Variants in WDPCP observed in about 807,000 individuals in gnomAD.
WDPCP encodes the protein WD repeat-containing and planar cell polarity effector protein fritz homolog.
A neutral mutation model predicts 93.1 loss-of-function variants in WDPCP; 71 were observed. The observed-to-expected ratio is 0.76, with a 90% CI of 0.63 to 0.93. WDPCP has a LOEUF of 0.93. Ranked by LOEUF, WDPCP falls within the 40% of genes least tolerant of loss-of-function variation. The pLI is 0.00. For missense variants in WDPCP, 844 were observed against 887.4 expected (o/e 0.95, Z 0.62); for synonymous variants, 315 against 315.0 (o/e 1.00, Z 0.00).
intron 9 of WDPCP, 55 bp from the exon 10 acceptor site, chr2:63,404,712 C>CACACCTAGGACTGCATATTTATTCAGAA: frequency 6.2e-7 from 1 of 1,602,400 alleles, no homozygotes; most frequent in Non-Finnish European, 8.5e-7. Context: ...TCTTCAACTT[C>CACACCTAGGACTGCATATTTATTCAGAA]ACACCTAGGA....
At position 63,657,604 on chromosome 2, in the gene WDPCP, G is replaced by T. The variant is rs573848649; in HGVS notation, n.309-6766C>A. On this transcript the variant is annotated intron_variant and non_coding_transcript_variant, in intron 2 of 4. Coordinates refer to the WDPCP transcript ENST00000467687. ...AAGGCAACTGCAATCATCTAGGCAA[G>T]AAATGATGACAGACTAGAATGTAGG... Among the ~76,000 whole-genome samples, 8 of 152,294 alleles carry T rather than the reference G, an allele frequency of 5.3e-5. No individual in the cohort carries two copies. The South Asian group carries it at 1.7e-3, about 32-fold the overall frequency.
At chr2:63,809,998 T>A (rs1670837838) in intron 2 of WDPCP, among the ~76,000 whole-genome samples, 1 of 152,218 alleles carries the variant, frequency 6.6e-6, no homozygotes, top group Non-Finnish European at 1.5e-5. Context: ...TTTTTCATTG[T>A]ATACCTTATT....
chr2:63,467,712 G>A (rs1208273982), intron 6 of WDPCP, among the ~76,000 whole-genome samples: 1 of 147,426 alleles, frequency 6.8e-6, no homozygotes, highest in Non-Finnish European at 1.5e-5. Flanking sequence ...GGAGGCAGAG[G>A]TTGCAGTGAG....
chr2:63,252,158 C>A (rs1263375448), intron 14 of WDPCP, among the ~76,000 whole-genome samples: 1 of 152,122 alleles, frequency 6.6e-6, no homozygotes, highest in Admixed American at 6.6e-5. Flanking sequence ...GCGTGATTCA[C>A]CACATGAACA....
chr2:63,571,845 T>C (rs1297487630), intron 1 of WDPCP, among the ~76,000 whole-genome samples: 1 of 152,222 alleles, frequency 6.6e-6, no homozygotes, highest in African/African-American at 2.4e-5. Flanking sequence ...AGCAACCTAA[T>C]TATTTCAGCA....
chr2:63,750,053 A>G (rs527540602), intron 2 of WDPCP, among the ~76,000 whole-genome samples: 1 of 152,176 alleles, frequency 6.6e-6, no homozygotes, highest in African/African-American at 2.4e-5. Context: ...AAACAGTGGG[A>G]GAATATATAT....
At chr2:63,709,059 A>G (rs1255475408) in intron 2 of WDPCP, among the ~76,000 whole-genome samples, 1 of 133,666 alleles carries the variant, frequency 7.5e-6, no homozygotes, top group Non-Finnish European at 1.6e-5. Context: ...TGTCTCTACA[A>G]AAAAAAAAAA....
chr2:63,147,744 A>C (rs1046728983), intron 17 of WDPCP, among the ~76,000 whole-genome samples: 2 of 152,108 alleles, frequency 1.3e-5, no homozygotes, highest in African/African-American at 4.8e-5. Context: ...CAAGGTGGGC[A>C]GATCACTTGA....
intron 11 of WDPCP, 97 bp downstream of exon 11, chr2:63,381,809 C>T: frequency 7.9e-7 from 1 of 1,273,478 alleles, no homozygotes; most frequent in Non-Finnish European, 1.1e-6. Flanking sequence ...ATTTAATCTC[C>T]AATACCATGA....
rs911256296 is a variant in WDPCP, at chr2:63,120,376, G to C, written c.*1630C>G. ...TCACCTTTTTTTGTCATACCCTCTG[G>C]TAGAGGTACAGATAAATGGGAAGTA... On this transcript the variant is annotated 3_prime_UTR_variant, in exon 18 of 18. Transcript: ENST00000272321. 6.6e-6 allele frequency among the ~76,000 whole-genome samples: 1 copy of C among 151,976 alleles called. No individual in the cohort carries two copies. Among genetic ancestry groups the C allele is most frequent in the Non-Finnish European group, 1.5e-5 (1 of 68,012 alleles).
At chr2:63,648,943 C>A (rs995485181) in intron 3 of WDPCP, among the ~76,000 whole-genome samples, 1 of 152,174 alleles carries the variant, frequency 6.6e-6, no homozygotes, top group African/African-American at 2.4e-5. Flanking sequence ...ACATGGATTG[C>A]TGTTTACCAA....
At chr2:63,510,491 A>T (rs190696587) in intron 1 of WDPCP, among the ~76,000 whole-genome samples, 114 of 152,318 alleles carry the variant, frequency 7.5e-4, no homozygotes, top group Non-Finnish European at 1.5e-3. Flanking sequence ...AATGGGCAAA[A>T]GCTGGATGCA....
chr2:63,197,561 A>G (rs539694200), intron 14 of WDPCP, among the ~76,000 whole-genome samples: 1 of 152,370 alleles, frequency 6.6e-6, no homozygotes, highest in African/African-American at 2.4e-5. Flanking sequence ...AAGCCTACCT[A>G]TTGAAGTACA....
intron 2 of WDPCP, among the ~76,000 whole-genome samples, chr2:63,491,307 G>C (rs145776667): frequency 6.6e-6 from 1 of 151,954 alleles, no homozygotes; most frequent in Non-Finnish European, 1.5e-5. Flanking sequence ...CAAATATCTA[G>C]TGATCCTTAG....
At chr2:63,170,342 A>G (rs1673296687) in intron 15 of WDPCP, among the ~76,000 whole-genome samples, 1 of 149,260 alleles carries the variant, frequency 6.7e-6, no homozygotes, top group South Asian at 2.1e-4. Context: ...GTGCAATCTC[A>G]GCTCACTGCA....
chr2:63,414,472 T>TAC (rs146569752), intron 9 of WDPCP, among the ~76,000 whole-genome samples: 5,761 of 148,782 alleles, frequency 0.039, 134 homozygotes, highest in African/African-American at 0.062. Flanking sequence ...CACACACATA[T>TAC]ACACACACAC....
intron 2 of WDPCP, among the ~76,000 whole-genome samples, chr2:63,707,902 T>C (rs1280705622): frequency 6.6e-6 from 1 of 152,228 alleles, no homozygotes; most frequent in African/African-American, 2.4e-5. Context: ...CTCCAGACCC[T>C]GTTTGCCTGG....
chr2:63,749,565 G>T (rs1012159601), intron 2 of WDPCP, among the ~76,000 whole-genome samples: 2 of 152,064 alleles, frequency 1.3e-5, no homozygotes, highest in African/African-American at 4.8e-5. Flanking sequence ...AATAGGCTTT[G>T]TCTTAGATGA....
intron 13 of WDPCP, among the ~76,000 whole-genome samples, chr2:63,293,864 C>G (rs1322852429): frequency 6.6e-6 from 1 of 152,094 alleles, no homozygotes; most frequent in Non-Finnish European, 1.5e-5. Context: ...CCTAACGGAC[C>G]TGAGACATAC....
Sources: allele counts gnomAD v4.1 joint callset (sites outside exome capture counted in the v4.1 genomes callset), GRCh38; gene constraint gnomAD v4.1.1; transcripts MANE v1.5; gene names NCBI Gene and HGNC (gene_info 2026-07-23, HGNC 2026-07-21).